Variants in SLC22A16 observed in about 807,000 individuals in gnomAD.
SLC22A16 encodes solute carrier family 22 member 16, also known as WUGSC:RG331P03.1.
SLC22A16 carries 53 observed loss-of-function variants against 52.9 expected under a neutral mutation model. The observed-to-expected ratio is 1.00, with a 90% CI of 0.80 to 1.26. SLC22A16 has a LOEUF of 1.26. Among genes scored for constraint, SLC22A16 ranks in the 50% most tolerant of loss-of-function variants. SLC22A16 has a pLI of 0.00. For missense variants in SLC22A16, 726 were observed against 704.0 expected (o/e 1.03, Z -0.35); for synonymous variants, 291 against 268.8 (o/e 1.08, Z -0.81).
intron 2 of SLC22A16, among the ~76,000 whole-genome samples, chr6:110,448,989 C>T (rs890191419): frequency 1.3e-5 from 2 of 152,146 alleles, no homozygotes; most frequent in African/African-American, 4.8e-5. Context: ...CAACCAAAGA[C>T]AAGAACCTTC....
chr6:110,441,124 T>C (rs922943336), intron 4 of SLC22A16, among the ~76,000 whole-genome samples: 2 of 152,186 alleles, frequency 1.3e-5, no homozygotes, highest in African/African-American at 4.8e-5. Flanking sequence ...AAGACGATAT[T>C]GAAGATGAAG....
At chr6:110,442,146 A>G (rs1774991238) in intron 4 of SLC22A16, 98 bp downstream of exon 4, 1 of 1,220,978 alleles carries the variant, frequency 8.2e-7, no homozygotes, top group South Asian at 1.6e-5. Context: ...CCTATTAAAA[A>G]CATTCTTTTT....
At chr6:110,460,167 C>T (rs369954160) in intron 1 of SLC22A16, among the ~76,000 whole-genome samples, 19 of 152,264 alleles carry the variant, frequency 1.2e-4, no homozygotes, top group South Asian at 6.2e-4. Context: ...CTGCCCACCC[C>T]GCTGCATCCT....
chr6:110,471,757 G>A (rs1485792018), intron 1 of SLC22A16, among the ~76,000 whole-genome samples: 1 of 152,200 alleles, frequency 6.6e-6, no homozygotes, highest in Non-Finnish European at 1.5e-5. Flanking sequence ...GGTAACACAG[G>A]TGTGTTCACT....
chr6:110,453,606 C>G (rs868547429), intron 2 of SLC22A16: 2 of 456,048 alleles, frequency 4.4e-6, no homozygotes, highest in African/African-American at 4.0e-5. Flanking sequence ...GTCCAGATGA[C>G]ACTTCACAGA....
chr6:110,428,219 C>T (rs1562274791), intron 7 of SLC22A16, among the ~76,000 whole-genome samples: 1 of 129,256 alleles, frequency 7.7e-6, no homozygotes, highest in Non-Finnish European at 1.8e-5. Flanking sequence ...AGTTTGACAT[C>T]CATAAACAAG....
At chr6:110,438,243 C>A (rs1481289375) in intron 5 of SLC22A16, among the ~76,000 whole-genome samples, 1 of 152,184 alleles carries the variant, frequency 6.6e-6, no homozygotes, top group Non-Finnish European at 1.5e-5. Flanking sequence ...AAGGTGTGAT[C>A]GACTTTCCTC....
At position 110,455,933 on chromosome 6, in the gene SLC22A16, G is replaced by A. The variant is rs193083638; in HGVS notation, c.533+605C>T. ...AAGCAAACAACAGCCTTCCCAGTCA[G>A]CAATCCTGTTGGCACCTTATCTTGG... On this transcript the variant is annotated intron_variant, in intron 2 of 7. Coordinates refer to ENST00000368919, the MANE Select transcript of SLC22A16 (RefSeq NM_033125.4). 6 of 152,514 alleles carry A rather than the reference G, an allele frequency of 3.9e-5. No homozygotes were observed. The East Asian group carries it at 9.6e-4, about 25-fold the overall frequency. The allele number at this position is 152,514 out of a possible 1,614,324, so 9.4% of individuals were successfully genotyped here.
intron 3 of SLC22A16, 145 bp from the exon 4 acceptor site, chr6:110,442,920 A>G: frequency 2.8e-6 from 2 of 721,342 alleles, no homozygotes; most frequent in Non-Finnish European, 2.2e-6. Context: ...ATAAAATGAC[A>G]TTCAATCCGA....
At chr6:110,427,643 G>T (rs1302588566) in intron 7 of SLC22A16, among the ~76,000 whole-genome samples, 1 of 152,090 alleles carries the variant, frequency 6.6e-6, no homozygotes, top group African/African-American at 2.4e-5. Flanking sequence ...GGGACTACAG[G>T]CACGCACCAC....
At chr6:110,451,333 ATGT>A (rs1270947150) in intron 2 of SLC22A16, among the ~76,000 whole-genome samples, 1 of 152,204 alleles carries the variant, frequency 6.6e-6, no homozygotes, top group African/African-American at 2.4e-5. Context: ...GCCCCAGAGC[ATGT>A]GGCTGTGCAC....
At position 110,431,195 on chromosome 6, in the gene SLC22A16, G is replaced by A. The variant is rs200820789; in HGVS notation, c.1497C>T (p.Ser499=). 3.7e-6 allele frequency: 6 copies of A among 1,613,882 alleles called. No individual in the cohort carries two copies. The African/African-American group carries it at 5.3e-5, about 14-fold the overall frequency. ...SILAPFSVDL[S]SIWIFIPQLF... The stretch of plus-strand genomic sequence containing the variant: ...CCTGTGGTATGAAGATCCAAATGCT[G>A]CTGAGGTCCACAGAGAACGGCGCCA... The change falls in exon 7 of 8, where the codon AGC becomes AGT. Residue 499 remains serine, a synonymous_variant. Coordinates refer to ENST00000368919, the MANE Select transcript of SLC22A16 (RefSeq NM_033125.4).
chr6:110,462,696 T>C (rs978758264), intron 1 of SLC22A16, among the ~76,000 whole-genome samples: 3 of 152,150 alleles, frequency 2.0e-5, no homozygotes, highest in Non-Finnish European at 4.4e-5. Flanking sequence ...TAAGCAATTA[T>C]ATTTAAGAGA....
chr6:110,437,288 C>T (rs1774773001), intron 5 of SLC22A16, among the ~76,000 whole-genome samples: 1 of 152,170 alleles, frequency 6.6e-6, no homozygotes, highest in East Asian at 1.9e-4. Flanking sequence ...CTCCATCAGC[C>T]TCTTTCTCAT....
intron 7 of SLC22A16, chr6:110,425,479 A>G: frequency 8.6e-7 from 1 of 1,167,840 alleles, no homozygotes; most frequent in African/African-American, 1.6e-5. Flanking sequence ...AGGACATGCC[A>G]AGCAGGGACT....
chr6:110,476,593 G>T lies in SLC22A16; in HGVS notation c.-19C>A. On this transcript the variant is annotated 5_prime_UTR_variant, in exon 1 of 8. Transcript: ENST00000368919. ...ACCCCATGGTGCGGCCGTGCACTGG[G>T]CGCCGAGTTAGCCGAGCTCCGGGGA... The T allele has an allele frequency of 1.3e-6, 2 of 1,525,698 alleles. No homozygotes were observed. The highest frequency in any genetic ancestry group is 1.8e-6 in the Non-Finnish European group (2 of 1,137,660). 94.5% of individuals were successfully genotyped at this position (1,525,698 alleles called of 1,614,324 possible). A position where few individuals can be genotyped will look rare whatever the true frequency, so the allele number is the denominator to read the frequency against.
chr6:110,468,128 G>A (rs558133700), intron 1 of SLC22A16, among the ~76,000 whole-genome samples: 1 of 152,346 alleles, frequency 6.6e-6, no homozygotes, highest in African/African-American at 2.4e-5. Flanking sequence ...GGCCCTTGTA[G>A]CTAGCTAGTC....
At chr6:110,452,580 T>A (rs1159527901) in intron 2 of SLC22A16, among the ~76,000 whole-genome samples, 1 of 152,108 alleles carries the variant, frequency 6.6e-6, no homozygotes, top group Non-Finnish European at 1.5e-5. Flanking sequence ...ATGCCTGTAA[T>A]CCCACCTACT....
chr6:110,442,616 G>A lies in SLC22A16; in HGVS notation c.811C>T (p.Gln271Ter), dbSNP rs746626347. ...GYLVRTWWLY[Q>*]MILSTVTVPF... ...ACAGTCACTGTGGAGAGGATCATCT[G>A]GTAAAGCCACCAGGTCCTGACCAAG... is the stretch of plus-strand genomic sequence containing the variant. The change falls in exon 4 of 8, where the codon CAG becomes TAG. Residue 271 changes from glutamine to a stop codon, truncating the protein, a stop_gained. Transcript: ENST00000368919. LOFTEE classifies it high-confidence loss of function. 1.9e-6 allele frequency: 3 copies of A among 1,614,156 alleles called. No homozygotes were observed. The highest frequency in any genetic ancestry group is 2.5e-6 in the Non-Finnish European group (3 of 1,180,032).
Sources: gnomAD v4.1 joint callset for allele counts (sites outside exome capture counted in the v4.1 genomes callset) on GRCh38, gnomAD v4.1.1 for gene constraint, MANE v1.5 for transcripts, NCBI Gene and HGNC (gene_info 2026-07-23, HGNC 2026-07-21) for gene names.